The following KIF13A variants were observed in gnomAD, a reference collection of about 807,000 sequenced individuals.
The protein encoded by KIF13A is kinesin-like protein KIF13A.
A neutral mutation model predicts 212.2 loss-of-function variants in KIF13A; 79 were observed. That is an observed-to-expected ratio of 0.37 (90% CI 0.31 to 0.45). The LOEUF is 0.45. KIF13A is among the 20% of genes least tolerant of loss of function. KIF13A has a pLI of 1.00. For missense variants in KIF13A, 1,901 were observed against 2,209.0 expected (o/e 0.86, Z 2.79); for synonymous variants, 789 against 808.6 (o/e 0.98, Z 0.41).
chr6:17,916,030 T>G (rs1411199661), intron 2 of KIF13A, among the ~76,000 whole-genome samples: 1 of 152,142 alleles, frequency 6.6e-6, no homozygotes, highest in Non-Finnish European at 1.5e-5. Context: ...TTAGGAGGCA[T>G]GCTAACTGGG....
intron 38 of KIF13A, among the ~76,000 whole-genome samples, chr6:17,765,951 G>A (rs142831928): frequency 2.6e-3 from 390 of 152,332 alleles, no homozygotes; most frequent in African/African-American, 9.0e-3. Context: ...TAGCAATGGT[G>A]AGCACAAGAA....
Position 17,786,291 on chromosome 6 carries a change from C to G in KIF13A, c.3362-650G>C, listed in dbSNP as rs996526212. Among the ~76,000 whole-genome samples, 1 of 152,080 alleles carries G rather than the reference C, an allele frequency of 6.6e-6. No homozygotes were observed. Among genetic ancestry groups the G allele is most frequent in the African/African-American group, 2.4e-5 (1 of 41,424 alleles). The stretch of plus-strand genomic sequence containing the variant: ...CTTTATAGAACTATACATGATGTTA[C>G]AAAGACAGGATTAAAAAACACCATA... On this transcript the variant is annotated intron_variant, in intron 27 of 38. Transcript: ENST00000259711. The surrounding 1 kb of genome is among the most constrained non-coding windows in gnomAD (Gnocchi z 5.4).
At chr6:17,975,396 C>T (rs1250197808) in intron 2 of KIF13A, among the ~76,000 whole-genome samples, 3 of 152,058 alleles carry the variant, frequency 2.0e-5, no homozygotes, top group African/African-American at 4.8e-5. Context: ...CTTAAGTTGG[C>T]GCGTCTGGAG....
intron 2 of KIF13A, among the ~76,000 whole-genome samples, chr6:17,952,303 CAA>C (rs35418848): frequency 7.6e-4 from 78 of 102,296 alleles, no homozygotes; most frequent in Middle Eastern, 5.2e-3. Flanking sequence ...GACTCCGTCT[CAA>C]AAAAAAAAAA....
chr6:17,976,653 G>A (rs1780530500), intron 2 of KIF13A, among the ~76,000 whole-genome samples: 1 of 152,348 alleles, frequency 6.6e-6, no homozygotes, highest in South Asian at 2.1e-4. Context: ...GCGGTGGGCT[G>A]AAGGGCTTCT....
rs1772861204 is a variant in KIF13A at position 17,899,403 on chromosome 6, G to A, written c.147-1223C>T. ...GGGGCTAAGAAAGTAGATTTTCCAG[G>A]GCAGAGGGCACGGAAAGGTATAGGC... On this transcript the variant is annotated intron_variant, in intron 2 of 38. Transcript: ENST00000259711. The surrounding 1 kb of genome is among the most constrained non-coding windows in gnomAD (Gnocchi z 5.2). Among the ~76,000 whole-genome samples the A allele has an allele frequency of 6.6e-6, 1 of 152,128 alleles. No homozygotes were observed. The highest frequency in any genetic ancestry group is 1.5e-5 in the Non-Finnish European group (1 of 68,024).
At position 17,966,259 on chromosome 6, in the gene KIF13A, G is replaced by A. The variant is rs183229550; in HGVS notation, c.146+20795C>T. Among the ~76,000 whole-genome samples, 335 of 152,138 alleles carry A rather than the reference G, an allele frequency of 2.2e-3. 1 individual carries two copies. The highest frequency in any genetic ancestry group is 7.6e-3 in the African/African-American group (317 of 41,506). On this transcript the variant is annotated intron_variant, in intron 2 of 38. Transcript: ENST00000259711. Reference sequence around the variant, plus strand: ...GTCAACTCATAAAAATTATGTGTATGTATGCGTTATTTTTTATGTGTGCTA... The same window carrying A: ...GTCAACTCATAAAAATTATGTGTATATATGCGTTATTTTTTATGTGTGCTA...
At chr6:17,877,496 G>C (rs761546318) in intron 3 of KIF13A, among the ~76,000 whole-genome samples, 1 of 152,134 alleles carries the variant, frequency 6.6e-6, no homozygotes, top group Non-Finnish European at 1.5e-5. Flanking sequence ...AAGAGATGAT[G>C]ATCTATCTTG....
At chr6:17,853,618 G>A (rs1479782010) in intron 6 of KIF13A, among the ~76,000 whole-genome samples, 2 of 152,086 alleles carry the variant, frequency 1.3e-5, no homozygotes, top group Non-Finnish European at 2.9e-5. Context: ...ATGAATTATT[G>A]ATGTAACCAT....
At chr6:17,759,159 T>A (rs534685244), downstream of KIF13A, 16 of 152,298 alleles carry the variant, frequency 1.1e-4, no homozygotes, top group Admixed American at 9.2e-4. Flanking sequence ...TTATTATTTT[T>A]AACACTGCAG....
chr6:17,783,656 G>T lies in KIF13A; in HGVS notation c.3534C>A (p.Leu1178=). The change falls in exon 29 of 39, where the codon CTC becomes CTA. Residue 1178 remains leucine, a synonymous_variant. Coordinates refer to ENST00000259711, the MANE Select transcript of KIF13A (RefSeq NM_022113.6). The surrounding 1 kb of genome is among the most constrained non-coding windows in gnomAD (Gnocchi z 4.3). ...TAAGTGTCTACTTACCATTCAAATCGAGGAAGAGAACTGGTATGTGGGTTT... is the reference window on the plus strand; with the variant it reads ...TAAGTGTCTACTTACCATTCAAATCTAGGAAGAGAACTGGTATGTGGGTTT... The part of the protein sequence containing the change: ...GMETHIPVLF[L]DLNADDLSAN... The T allele has an allele frequency of 6.3e-7, 1 of 1,578,184 alleles. No individual in the cohort carries two copies. The highest frequency in any genetic ancestry group is 1.8e-5 in the Admixed American group (1 of 55,990).
At position 17,808,762 on chromosome 6, in the gene KIF13A, T is replaced by A; in HGVS notation, c.2163+6A>T. 1 of 1,609,424 alleles carries A rather than the reference T, an allele frequency of 6.2e-7. No individual in the cohort carries two copies. The highest frequency in any genetic ancestry group is 1.1e-5 in the South Asian group (1 of 90,416). ...TCTTGCCCTCTCACTTGAAGGACAT[T>A]CTTACCTTCCTATTGGCACTGAGGT... is the stretch of plus-strand genomic sequence containing the variant. On this transcript the variant is annotated splice_donor_region_variant and intron_variant, in intron 18 of 38. Coordinates refer to ENST00000259711, the MANE Select transcript of KIF13A (RefSeq NM_022113.6).
chr6:17,788,758 CTT>C (rs1476078993), intron 26 of KIF13A, among the ~76,000 whole-genome samples: 1 of 152,124 alleles, frequency 6.6e-6, no homozygotes, highest in Non-Finnish European at 1.5e-5. Flanking sequence ...GAGTTTCGCT[CTT>C]GTCGCCCAGG....
chr6:17,952,869 G>T (rs191698922), intron 2 of KIF13A, among the ~76,000 whole-genome samples: 2 of 151,828 alleles, frequency 1.3e-5, no homozygotes, highest in Admixed American at 6.6e-5. Context: ...GGCAGAGCTT[G>T]CAGTGAGCCG....
chr6:17,850,222 A>G lies in KIF13A; in HGVS notation c.717+101T>C. On this transcript the variant is annotated intron_variant, in intron 8 of 38. Coordinates refer to ENST00000259711, the MANE Select transcript of KIF13A (RefSeq NM_022113.6). The surrounding 1 kb of genome is among the most constrained non-coding windows in gnomAD (Gnocchi z 6.2). The stretch of plus-strand genomic sequence containing the variant: ...ACCTAGTAAGCAGAAGAGCCAACAT[A>G]CAATTCTCAGCCACTGAACCCAACC... 8.7e-7 allele frequency: 1 copy of G among 1,152,798 alleles called. No homozygotes were observed. The highest frequency in any genetic ancestry group is 1.2e-6 in the Non-Finnish European group (1 of 836,630). The allele number at this position is 1,152,798 out of a possible 1,614,324, so 71.4% of individuals were successfully genotyped here. A position where few individuals can be genotyped will look rare whatever the true frequency, so the allele number is the denominator to read the frequency against.
Position 17,764,765 on chromosome 6 carries a change from CG to C in KIF13A, c.4762del (p.Arg1588ValfsTer65). 6.2e-7 allele frequency: 1 copy of C among 1,612,958 alleles called. No homozygotes were observed. The highest frequency in any genetic ancestry group is 1.1e-5 in the South Asian group (1 of 90,880). On this transcript the variant is annotated frameshift_variant, in exon 39 of 39. Transcript: ENST00000259711. LOFTEE classifies it low-confidence loss of function (END_TRUNC). The surrounding 1 kb of genome is among the most constrained non-coding windows in gnomAD (Gnocchi z 5.1). ...GGTAATACTGCTGGTGGTAGGGCTA[CG>C]GGACACTTCTTTCTCCAAGACCCGT... Reference protein sequence around the residue: ...NSRVLEKEVSRSPTTSSITSG... With the variant: ...NSRVLEKEVSXSPTTSSITSG...
intron 23 of KIF13A, among the ~76,000 whole-genome samples, chr6:17,795,503 G>C (rs140650960): frequency 0.025 from 3,828 of 151,492 alleles, 71 homozygotes; most frequent in Non-Finnish European, 0.04. Flanking sequence ...GCTGAGGCAG[G>C]AGAATCACTT....
At chr6:17,847,583 A>G (rs377138263) in intron 9 of KIF13A, among the ~76,000 whole-genome samples, 8 of 152,218 alleles carry the variant, frequency 5.3e-5, no homozygotes, top group African/African-American at 1.7e-4. Flanking sequence ...CTCTTGTCAC[A>G]TTCTGTCCTA....
Position 17,968,223 on chromosome 6 carries a change from G to A in KIF13A, c.146+18831C>T, listed in dbSNP as rs1779494807. Among the ~76,000 whole-genome samples, 1 of 152,178 alleles carries A rather than the reference G, an allele frequency of 6.6e-6. No individual in the cohort carries two copies. The highest frequency in any genetic ancestry group is 1.5e-5 in the Non-Finnish European group (1 of 68,032). Reference sequence around the variant, plus strand: ...CCAGAGATCCCCGCTTACTCACCAGGAGAAAGAAGAGTAAGCAGGCCAGCA... The same window carrying A: ...CCAGAGATCCCCGCTTACTCACCAGAAGAAAGAAGAGTAAGCAGGCCAGCA... On this transcript the variant is annotated intron_variant, in intron 2 of 38. Transcript: ENST00000259711. The surrounding 1 kb of genome is among the most constrained non-coding windows in gnomAD (Gnocchi z 4.7).
Sources: allele counts gnomAD v4.1 joint callset (sites outside exome capture counted in the v4.1 genomes callset), GRCh38; gene constraint gnomAD v4.1.1; non-coding constraint Gnocchi (gnomAD v3.1); transcripts MANE v1.5; gene names NCBI Gene and HGNC (gene_info 2026-07-23, HGNC 2026-07-21).